The following MBD5 variants were observed in gnomAD, a reference collection of about 807,000 sequenced individuals.
MBD5 encodes the protein methyl-CpG binding domain protein 5, also known as methyl-CpG-binding domain protein 5.
Under a neutral mutation model 117.3 loss-of-function variants are expected in MBD5, and 13 were observed. The ratio of observed to expected loss-of-function variants is 0.11; its 90% confidence interval spans 0.07 to 0.18. The LOEUF (loss-of-function observed/expected upper bound fraction) is 0.18. Ranked by LOEUF, MBD5 falls within the 10% of genes least tolerant of loss-of-function variation. The pLI is 1.00. For synonymous variants in MBD5, 727 were observed against 766.4 expected (o/e 0.95, Z 0.85); for missense variants, 1,879 against 2,093.8 (o/e 0.90, Z 2.00).
intron 3 of MBD5, among the ~76,000 whole-genome samples, chr2:148,327,826 C>T (rs904950787): frequency 2.0e-5 from 3 of 152,316 alleles, no homozygotes; most frequent in African/African-American, 4.8e-5. Flanking sequence ...TCGTCTGAAG[C>T]CTTCTTCTCT....
intron 4 of MBD5, among the ~76,000 whole-genome samples, chr2:148,389,241 GA>G (rs35611552): frequency 0.54 from 24,381 of 45,084 alleles, 6,082 homozygotes; most frequent in East Asian, 0.76. Context: ...ATATAAATAG[GA>G]AAAAAAAACA....
At chr2:148,495,978 C>A (rs1681689675) in intron 11 of MBD5, among the ~76,000 whole-genome samples, 1 of 152,200 alleles carries the variant, frequency 6.6e-6, no homozygotes, top group African/African-American at 2.4e-5. Flanking sequence ...TTGGGAGGTG[C>A]GTCCTCCTGT....
chr2:148,457,835 T>A (rs192600573), intron 4 of MBD5, among the ~76,000 whole-genome samples: 56 of 152,320 alleles, frequency 3.7e-4, no homozygotes, highest in African/African-American at 1.2e-3. Context: ...AAAATATGGT[T>A]GGATTAACAC....
chr2:148,286,618 A>G (rs982681172), intron 3 of MBD5, among the ~76,000 whole-genome samples: 2 of 152,214 alleles, frequency 1.3e-5, no homozygotes, highest in African/African-American at 2.4e-5. Flanking sequence ...GTTTATGAGC[A>G]TAATTAATTA....
At chr2:148,348,208 G>T (rs1295546645) in intron 4 of MBD5, among the ~76,000 whole-genome samples, 1 of 151,876 alleles carries the variant, frequency 6.6e-6, no homozygotes, top group African/African-American at 2.4e-5. Flanking sequence ...TGTATCCAGT[G>T]GTTGTTCCTC....
At chr2:148,037,985 A>G (rs1205254395) in intron 1 of MBD5, among the ~76,000 whole-genome samples, 1 of 152,018 alleles carries the variant, frequency 6.6e-6, no homozygotes, top group East Asian at 1.9e-4. Context: ...AAACATTTCT[A>G]GGTGATAATA....
intron 3 of MBD5, among the ~76,000 whole-genome samples, chr2:148,324,175 G>A (rs1183753569): frequency 6.6e-6 from 1 of 152,040 alleles, no homozygotes; most frequent in Non-Finnish European, 1.5e-5. Context: ...TTATTTCTGA[G>A]GGCTCTGTTC....
intron 1 of MBD5, chr2:148,025,756 A>G (rs915486853): frequency 6.6e-6 from 1 of 152,166 alleles, no homozygotes; most frequent in African/African-American, 2.4e-5. Flanking sequence ...AGTGTGCACT[A>G]TTTAGGAGTT....
chr2:148,507,811 A>C (rs1193220645), intron 12 of MBD5, among the ~76,000 whole-genome samples: 1 of 152,036 alleles, frequency 6.6e-6, no homozygotes, highest in African/African-American at 2.4e-5. Flanking sequence ...AATAAATAAC[A>C]GGTATTTCTT....
At chr2:148,023,040 A>G (rs1415163935) in intron 1 of MBD5, among the ~76,000 whole-genome samples, 1 of 150,058 alleles carries the variant, frequency 6.7e-6, no homozygotes, top group East Asian at 1.9e-4. Flanking sequence ...GGATGCACAC[A>G]TGCATATACA....
chr2:148,439,665 A>G (rs1021661957), intron 4 of MBD5, among the ~76,000 whole-genome samples: 1 of 152,094 alleles, frequency 6.6e-6, no homozygotes, highest in South Asian at 2.1e-4. Flanking sequence ...GTAAAGCCAA[A>G]CAAAATACAG....
At chr2:148,504,601 G>C (rs891735912) in intron 12 of MBD5, among the ~76,000 whole-genome samples, 1 of 152,154 alleles carries the variant, frequency 6.6e-6, no homozygotes, top group Non-Finnish European at 1.5e-5. Context: ...GACAGATGCA[G>C]AAACAAGTAA....
At chr2:148,322,906 A>G in intron 3 of MBD5, among the ~76,000 whole-genome samples, 1 of 151,518 alleles carries the variant, frequency 6.6e-6, no homozygotes, top group Non-Finnish European at 1.5e-5. Context: ...CAGGTTAGTT[A>G]CCTATGTATA....
At chr2:148,320,116 T>G (rs1379507452) in intron 3 of MBD5, among the ~76,000 whole-genome samples, 1 of 152,192 alleles carries the variant, frequency 6.6e-6, no homozygotes, top group Non-Finnish European at 1.5e-5. Context: ...GTATGTTATG[T>G]TTTTGATGTG....
chr2:148,340,556 T>A (rs550935009), intron 3 of MBD5, among the ~76,000 whole-genome samples: 1 of 152,226 alleles, frequency 6.6e-6, no homozygotes, highest in South Asian at 2.1e-4. Context: ...AGACTTGATA[T>A]CGATATGTAG....
intron 8 of MBD5, among the ~76,000 whole-genome samples, chr2:148,479,208 T>C (rs969930541): frequency 5.3e-5 from 8 of 152,238 alleles, no homozygotes; most frequent in Admixed American, 1.3e-4. Flanking sequence ...CTCTGTGGGG[T>C]GATTTCAACT....
chr2:148,033,642 A>G (rs1694103954), intron 1 of MBD5, among the ~76,000 whole-genome samples: 1 of 152,210 alleles, frequency 6.6e-6, no homozygotes, highest in South Asian at 2.1e-4. Flanking sequence ...ACAAAGATGT[A>G]ATAAATTGTA....
At chr2:148,067,224 C>A (rs919017240) in intron 1 of MBD5, among the ~76,000 whole-genome samples, 1 of 152,142 alleles carries the variant, frequency 6.6e-6, no homozygotes, top group East Asian at 1.9e-4. Flanking sequence ...CACTCTGAAC[C>A]ACACGCTATA....
intron 4 of MBD5, among the ~76,000 whole-genome samples, chr2:148,456,478 A>G (rs1706887282): frequency 6.6e-6 from 1 of 152,154 alleles, no homozygotes; most frequent in Admixed American, 6.6e-5. Flanking sequence ...AGTACTTACC[A>G]TCTTTGTACT....
Sources: allele counts gnomAD v4.1 joint callset (sites outside exome capture counted in the v4.1 genomes callset), GRCh38; gene constraint gnomAD v4.1.1; transcripts MANE v1.5; gene names NCBI Gene and HGNC (gene_info 2026-07-23, HGNC 2026-07-21).